The following HNRNPH1 variants were observed in gnomAD, a reference collection of about 807,000 sequenced individuals.
HNRNPH1 encodes heterogeneous nuclear ribonucleoprotein H.
A neutral mutation model predicts 58.6 loss-of-function variants in HNRNPH1; 4 were observed. The ratio of observed to expected loss-of-function variants is 0.07; its 90% CI spans 0.03 to 0.16. HNRNPH1 has a LOEUF of 0.16. Ranked by LOEUF, HNRNPH1 falls within the 10% of genes least tolerant of loss-of-function variation. The probability of loss-of-function intolerance (pLI) is 1.00; values close to 1 mark genes in which losing one functional copy is unlikely to be tolerated. For missense variants in HNRNPH1, 271 were observed against 564.2 expected, an observed-to-expected ratio of 0.48 and a Z score of 5.26; for synonymous variants, 192 against 189.2, an observed-to-expected ratio of 1.01 and a Z score of -0.12.
chr5:179,618,212 A>G (rs1462064157), exon 5 of HNRNPH1: 4 of 1,613,972 alleles, frequency 2.5e-6, no homozygotes, highest in Non-Finnish European at 3.4e-6. Context: ...TATACCCTCT[A>G]CCAGCCCCAG....
intron 2 of HNRNPH1, chr5:179,634,010 G>A (rs1775060856): frequency 6.6e-6 from 1 of 152,092 alleles, no homozygotes; most frequent in African/African-American, 2.4e-5. Flanking sequence ...CTTTCCTCAG[G>A]GTCCCCTCCC....
At chr5:179,616,732 A>G in intron 10 of HNRNPH1, 137 bp downstream of exon 11, 1 of 728,774 alleles carries the variant, frequency 1.4e-6, no homozygotes, top group Non-Finnish European at 2.3e-6. Flanking sequence ...TAAGCCAGAT[A>G]CAAAACTCAA....
chr5:179,633,914 T>A (rs2127747353), intron 2 of HNRNPH1: 1 of 70,018 alleles, frequency 1.4e-5, no homozygotes, highest in Admixed American at 2.5e-4. Context: ...CGAGACTCCG[T>A]CTCTAAAATA....
chr5:179,620,733 G>A (rs909017431), intron 3 of HNRNPH1, 159 bp downstream of exon 4: 23 of 622,592 alleles, frequency 3.7e-5, no homozygotes, highest in Non-Finnish European at 3.7e-5. Flanking sequence ...CCTTTAAGAT[G>A]GGCTTAAATT....
intron 10 of HNRNPH1, 120 bp downstream of exon 11, chr5:179,616,749 A>G (rs1769923786): frequency 1.2e-6 from 1 of 850,804 alleles, no homozygotes; most frequent in South Asian, 1.7e-5. Flanking sequence ...TCAAATATCA[A>G]GAAACTGCTT....
At chr5:179,632,692 C>T (rs1181235456) in intron 2 of HNRNPH1, among the ~76,000 whole-genome samples, 1 of 151,884 alleles carries the variant, frequency 6.6e-6, no homozygotes, top group South Asian at 2.1e-4. Context: ...TTGAACTTTC[C>T]GGGTGCGAAC....
At chr5:179,621,312 A>G (rs1415066960) in exon 2 of HNRNPH1, 1 of 1,613,786 alleles carries the variant, frequency 6.2e-7, no homozygotes, top group African/African-American at 1.3e-5. Context: ...CTTCTGATTC[A>G]AGTTCAACAA....
upstream of HNRNPH1, among the ~76,000 whole-genome samples, chr5:179,624,894 T>C (rs1190946303): frequency 6.6e-6 from 1 of 152,086 alleles, no homozygotes; most frequent in East Asian, 1.9e-4. Flanking sequence ...CGAATCCAGT[T>C]TTGACAGGTT....
intron 1 of HNRNPH1, among the ~76,000 whole-genome samples, chr5:179,622,309 G>C (rs192033373): frequency 1.2e-4 from 19 of 152,276 alleles, no homozygotes; most frequent in African/African-American, 4.6e-4. Context: ...GGAAACAAGA[G>C]GTTACACTTC....
At chr5:179,625,040 G>A (rs563880530), upstream of HNRNPH1, among the ~76,000 whole-genome samples, 48 of 152,324 alleles carry the variant, frequency 3.2e-4, no homozygotes, top group African/African-American at 1.1e-3. Context: ...CAGCAGGGGA[G>A]CCGTAAACCC....
chr5:179,627,571 G>A (rs1299902530), upstream of HNRNPH1, among the ~76,000 whole-genome samples: 1 of 151,152 alleles, frequency 6.6e-6, no homozygotes, highest in Non-Finnish European at 1.5e-5. Flanking sequence ...ATGTGATCTC[G>A]GCTCACTGCA....
At position 179,616,433 on chromosome 5, in the gene HNRNPH1, A is replaced by G. The variant is rs1769712314; in HGVS notation, c.1208-215T>C. The G allele has an allele frequency of 1.2e-5, 7 of 573,376 alleles. No individual in the cohort carries two copies. In the East Asian group the frequency reaches 2.0e-4, roughly 17 times the overall value. The allele number at this position is 573,376 out of a possible 1,614,324, so 35.5% of individuals were successfully genotyped here. A position where few individuals can be genotyped will look rare whatever the true frequency, so the allele number is the denominator to read the frequency against. ...ATAAACCAAAGTGCTAACGGTACAC[A>G]CATCAGCAGGACTAAAATCAACATG... is the stretch of plus-strand genomic sequence containing the variant. On this transcript the variant is annotated intron_variant, in intron 10 of 12. Transcript: ENST00000356731.
Position 179,620,842 on chromosome 5 carries a change from G to A in HNRNPH1, c.397+50C>T, listed in dbSNP as rs771792452. ...ACTTTAACGTCTATTAAATCACCTT[G>A]CCATAAGCTAGCCAAAACTCACTGC... On this transcript the variant is annotated intron_variant, in intron 3 of 12. Coordinates refer to ENST00000356731, the Ensembl canonical transcript of HNRNPH1. 4 of 1,569,170 alleles carry A rather than the reference G, an allele frequency of 2.5e-6. No homozygotes were observed. The East Asian group carries it at 6.7e-5, about 26-fold the overall frequency.
chr5:179,632,886 T>C (rs572373303), intron 2 of HNRNPH1, among the ~76,000 whole-genome samples: 110 of 112,542 alleles, frequency 9.8e-4, no homozygotes, highest in African/African-American at 3.6e-3. Context: ...TGAGACGGAG[T>C]CCTGCTCTGT....
chr5:179,633,447 C>CA (rs1265312285), intron 2 of HNRNPH1, among the ~76,000 whole-genome samples: 5 of 150,650 alleles, frequency 3.3e-5, no homozygotes, highest in South Asian at 2.1e-4. Flanking sequence ...AGGCACCCGC[C>CA]CCACACCCGG....
intron 12 of HNRNPH1, 51 bp from the exon 14 acceptor site, chr5:179,615,010 A>C (rs763539868): frequency 9.3e-7 from 1 of 1,070,452 alleles, no homozygotes; most frequent in East Asian, 2.6e-5. Flanking sequence ...ACTACCAGTC[A>C]AATAAAATAT....
At chr5:179,634,143 C>T (rs1215353899) in exon 2 of HNRNPH1, 1 of 142,108 alleles carries the variant, frequency 7.0e-6, no homozygotes, top group Non-Finnish European at 1.5e-5. Context: ...CACAGACTCT[C>T]CCTTCAGAGC....
chr5:179,616,109 TAACA>T lies in HNRNPH1; in HGVS notation c.1300+13_1300+16del, dbSNP rs769406615. On this transcript the variant is annotated intron_variant, in intron 11 of 12. Coordinates refer to ENST00000356731, the Ensembl canonical transcript of HNRNPH1. The stretch of plus-strand genomic sequence containing the variant: ...TTACCATAACTTACTCTAAGTACAG[TAACA>T]AACAGGCTTTACCGTATCCACTCAT... 1.3e-6 allele frequency: 2 copies of T among 1,597,336 alleles called. No individual in the cohort carries two copies. Among genetic ancestry groups the T allele is most frequent in the Non-Finnish European group, 1.7e-6 (2 of 1,164,652 alleles).
chr5:179,630,588 C>T (rs1439206221), intron 2 of HNRNPH1, among the ~76,000 whole-genome samples: 1 of 151,800 alleles, frequency 6.6e-6, no homozygotes, highest in Admixed American at 6.6e-5. Flanking sequence ...ATTGGTACAC[C>T]CTCTCGCTCA....
Sources: allele counts gnomAD v4.1 joint callset (sites outside exome capture counted in the v4.1 genomes callset), GRCh38; gene constraint gnomAD v4.1.1; transcripts MANE v1.5; gene names NCBI Gene and HGNC (gene_info 2026-07-23, HGNC 2026-07-21).